The following MALRD1 variants were observed in gnomAD, a reference collection of about 807,000 sequenced individuals.
The protein encoded by MALRD1 is MAM and LDL receptor class A domain containing 1.
A neutral mutation model predicts 242.1 loss-of-function variants in MALRD1; 247 were observed. That is an observed-to-expected ratio of 1.02 (90% CI 0.92 to 1.13). The LOEUF is 1.13. MALRD1 is among the 50% of genes most tolerant of loss of function. The probability of loss-of-function intolerance (pLI) is 0.00; values close to 1 mark genes in which losing one functional copy is unlikely to be tolerated. For missense variants in MALRD1, 2,989 were observed against 2,533.1 expected (o/e 1.18, Z -3.86); for synonymous variants, 995 against 866.6 (o/e 1.15, Z -2.60).
intron 34 of MALRD1, 72 bp from the exon 35 acceptor site, chr10:19,607,705 T>G (rs1838703693): frequency 6.7e-7 from 1 of 1,499,298 alleles, no homozygotes; most frequent in Non-Finnish European, 8.9e-7. Flanking sequence ...TATGTTATTT[T>G]GTTGTGAGAA....
intron 30 of MALRD1, among the ~76,000 whole-genome samples, chr10:19,494,207 A>G (rs970140775): frequency 1.3e-5 from 2 of 152,236 alleles, no homozygotes; most frequent in African/African-American, 4.8e-5. Flanking sequence ...ACCAAAGGCA[A>G]GAAGTCAGCT....
chr10:19,261,082 G>A (rs952515921), intron 19 of MALRD1, among the ~76,000 whole-genome samples: 1 of 151,986 alleles, frequency 6.6e-6, no homozygotes, highest in Non-Finnish European at 1.5e-5. Context: ...AGAGTCAGAA[G>A]AGAACAAAAA....
intron 16 of MALRD1, among the ~76,000 whole-genome samples, 177 bp downstream of exon 16, chr10:19,204,590 A>G (rs971040785): frequency 6.6e-6 from 1 of 152,060 alleles, no homozygotes; most frequent in African/African-American, 2.4e-5. Context: ...TTCTCAGTAT[A>G]TGTTGTTTTC....
At chr10:19,531,159 T>C (rs755233097) in intron 31 of MALRD1, 35 bp from the exon 32 acceptor site, 30 of 1,523,794 alleles carry the variant, frequency 2.0e-5, no homozygotes, top group East Asian at 1.7e-4. Flanking sequence ...GATATTATCA[T>C]TACACTGAAA....
intron 33 of MALRD1, among the ~76,000 whole-genome samples, chr10:19,575,797 T>G (rs1053192261): frequency 6.6e-6 from 1 of 152,176 alleles, no homozygotes; most frequent in Non-Finnish European, 1.5e-5. Flanking sequence ...TCTCCCAGTT[T>G]CTTTTTACTG....
intron 5 of MALRD1, among the ~76,000 whole-genome samples, chr10:19,106,811 A>C (rs112465957): frequency 0.017 from 2,568 of 151,896 alleles, 59 homozygotes; most frequent in Non-Finnish European, 0.018. Context: ...GTGTTCCTTA[A>C]GTTTTGGTAG....
intron 28 of MALRD1, among the ~76,000 whole-genome samples, chr10:19,412,507 A>G (rs915926350): frequency 6.6e-6 from 1 of 152,220 alleles, no homozygotes; most frequent in Non-Finnish European, 1.5e-5. Context: ...AATTTGTACA[A>G]GTGATTCAGT....
At chr10:19,389,380 C>G in intron 27 of MALRD1, 72 bp from the exon 28 acceptor site, 1 of 1,457,660 alleles carries the variant, frequency 6.9e-7, no homozygotes, top group Non-Finnish European at 9.4e-7. Context: ...AAGACCCTAA[C>G]TATGATGGAA....
chr10:19,245,817 G>A (rs541846768), intron 18 of MALRD1, among the ~76,000 whole-genome samples: 43 of 152,282 alleles, frequency 2.8e-4, no homozygotes, highest in African/African-American at 9.1e-4. Context: ...TAGATTAAAT[G>A]ATATGTAAAG....
chr10:19,110,353 T>C (rs912973144), intron 5 of MALRD1, among the ~76,000 whole-genome samples: 1 of 152,330 alleles, frequency 6.6e-6, no homozygotes, highest in Non-Finnish European at 1.5e-5. Context: ...CACTGGAACA[T>C]GTAAAGTTCT....
chr10:19,623,462 G>A (rs1000747457), intron 36 of MALRD1, among the ~76,000 whole-genome samples: 8 of 152,112 alleles, frequency 5.3e-5, no homozygotes, highest in Non-Finnish European at 4.4e-5. Flanking sequence ...ATTGGTTCCT[G>A]TAGTTATGGA....
At chr10:19,401,213 A>G (rs984698467) in intron 28 of MALRD1, among the ~76,000 whole-genome samples, 2 of 152,198 alleles carry the variant, frequency 1.3e-5, no homozygotes, top group Admixed American at 6.5e-5. Flanking sequence ...TCTATGTCAT[A>G]CATTTGCATA....
intron 11 of MALRD1, among the ~76,000 whole-genome samples, chr10:19,148,026 TGTGTCTGCAGGATGATG>T (rs1312605671): frequency 1.3e-5 from 2 of 152,052 alleles, no homozygotes; most frequent in African/African-American, 4.8e-5. Flanking sequence ...GAATTGGAAA[TGTGTCTGCAGGATGATG>T]GTGACCCAGG....
At chr10:19,503,960 A>G (rs555663673) in intron 31 of MALRD1, among the ~76,000 whole-genome samples, 1 of 152,322 alleles carries the variant, frequency 6.6e-6, no homozygotes, top group Admixed American at 6.5e-5. Flanking sequence ...CTGACTGACA[A>G]GAGCATACAA....
rs555444700 is a variant in MALRD1, at chr10:19,648,921, C to T, written c.6137+32998C>T. ...CCCACCTCAAGTAGACCCTGGTGCCCGTTGTTTCCTTCTTTGGGTTCATAA... is the reference window on the plus strand; with the variant it reads ...CCCACCTCAAGTAGACCCTGGTGCCTGTTGTTTCCTTCTTTGGGTTCATAA... On this transcript the variant is annotated intron_variant, in intron 36 of 39. Transcript: ENST00000454679. Among the ~76,000 whole-genome samples the T allele has an allele frequency of 8.2e-4, 125 of 152,176 alleles. 1 individual carries two copies. Among genetic ancestry groups the T allele is most frequent in the African/African-American group, 2.9e-3 (119 of 41,526 alleles).
At chr10:19,692,209 T>A in intron 36 of MALRD1, 73 bp from the exon 37 acceptor site, 1 of 1,114,094 alleles carries the variant, frequency 9.0e-7, no homozygotes, top group Non-Finnish European at 1.3e-6. Context: ...CATGATTTTA[T>A]CCCATGCCAG....
intron 24 of MALRD1, among the ~76,000 whole-genome samples, chr10:19,338,897 A>G (rs531279238): frequency 6.9e-6 from 1 of 144,332 alleles, no homozygotes; most frequent in Admixed American, 6.8e-5. Flanking sequence ...ACATATATAC[A>G]TATATTATAT....
rs147247173 is a variant in MALRD1, at chr10:19,625,277, A to T, written c.6137+9354A>T. On this transcript the variant is annotated intron_variant, in intron 36 of 39. Transcript: ENST00000454679. ...AGGACAAATTTGAATAAAATGCCTT[A>T]AAGGAAATCTAAAACTTAACTTTAT... is the stretch of plus-strand genomic sequence containing the variant. 2.0e-3 allele frequency among the ~76,000 whole-genome samples: 311 copies of T among 152,066 alleles called. 2 individuals carry two copies. Among genetic ancestry groups the T allele is most frequent in the African/African-American group, 6.1e-3 (255 of 41,556 alleles).
intron 28 of MALRD1, among the ~76,000 whole-genome samples, chr10:19,432,775 A>G (rs2130953083): frequency 6.6e-6 from 1 of 152,368 alleles, no homozygotes; most frequent in Non-Finnish European, 1.5e-5. Flanking sequence ...GAAAAAGCCA[A>G]TCACTAAATA....
Sources: gnomAD v4.1 joint callset for allele counts (sites outside exome capture counted in the v4.1 genomes callset) on GRCh38, gnomAD v4.1.1 for gene constraint, MANE v1.5 for transcripts, NCBI Gene and HGNC (gene_info 2026-07-23, HGNC 2026-07-21) for gene names.